Variants in CPA4 observed in about 807,000 individuals in gnomAD.
The protein encoded by CPA4 is carboxypeptidase A3.
Under a neutral mutation model 54.7 loss-of-function variants are expected in CPA4, and 49 were observed. That is an observed-to-expected ratio of 0.90 (90% CI 0.71 to 1.14). The LOEUF is 1.14. Among genes scored for constraint, CPA4 ranks in the 50% most tolerant of loss-of-function variants. The pLI is 0.00. For synonymous variants in CPA4, 215 were observed against 206.8 expected (o/e 1.04, Z -0.34); for missense variants, 487 against 525.1 (o/e 0.93, Z 0.71).
Position 130,322,735 on chromosome 7 carries a change from T to A in CPA4, c.*59T>A, listed in dbSNP as rs1794136568. ...CCCACACGTGCACGCACTGAGGCCA[T>A]TGTTAAAGGAGCTCTTTCCTACCTG... On this transcript the variant is annotated 3_prime_UTR_variant, in exon 11 of 11. Coordinates refer to ENST00000222482, the MANE Select transcript of CPA4 (RefSeq NM_016352.4). 1 of 1,514,750 alleles carries A rather than the reference T, an allele frequency of 6.6e-7. No homozygotes were observed. Among genetic ancestry groups the A allele is most frequent in the Admixed American group, 1.9e-5 (1 of 52,796 alleles). The allele number at this position is 1,514,750 out of a possible 1,614,324, so 93.8% of individuals were successfully genotyped here.
At chr7:130,311,017 G>A in intron 9 of CPA4, 31 bp downstream of exon 9, 2 of 1,589,390 alleles carry the variant, frequency 1.3e-6, no homozygotes, top group East Asian at 2.2e-5. Flanking sequence ...ACCCAGCCTG[G>A]GGCCCGCCTG....
At chr7:130,312,999 A>C (rs1047633033) in intron 10 of CPA4, among the ~76,000 whole-genome samples, 2 of 152,134 alleles carry the variant, frequency 1.3e-5, no homozygotes, top group Non-Finnish European at 2.9e-5. Context: ...GCTAGTTTTT[A>C]ATCAAGGGGA....
rs1195958721 is a variant in CPA4 at position 130,310,930 on chromosome 7, C to G, written c.937C>G (p.Leu313Val). 1 of 1,614,178 alleles carries G rather than the reference C, an allele frequency of 6.2e-7. No homozygotes were observed. Among genetic ancestry groups the G allele is most frequent in the East Asian group, 2.2e-5 (1 of 44,882 alleles). The change falls in exon 9 of 11, where the codon CTG becomes GTG. Residue 313 changes from leucine (L) to valine (V), a missense_variant. Transcript: ENST00000222482. The surrounding 1 kb of genome is among the most constrained non-coding windows in gnomAD (Gnocchi z 4.3). ...CATCGACCTGCACAGCTACTCGCAG[C>G]TGCTGATGTATCCATATGGGTACTC... ...GFIDLHSYSQ[L>V]LMYPYGYSVK...
At chr7:130,308,646 C>T (rs1793864437) in intron 8 of CPA4, among the ~76,000 whole-genome samples, 1 of 152,006 alleles carries the variant, frequency 6.6e-6, no homozygotes, top group Non-Finnish European at 1.5e-5. Flanking sequence ...CGACCTCTGC[C>T]TCCTGGGTTC....
Position 130,305,973 on chromosome 7 carries a change from C to T in CPA4, c.591+53C>T, listed in dbSNP as rs1793814379. The stretch of plus-strand genomic sequence containing the variant: ...TGCTGATGGTGCCGGGGTGCCCCTG[C>T]AGCATGCCATGTGGCTGGGCCTGGG... On this transcript the variant is annotated intron_variant, in intron 6 of 10. Transcript: ENST00000222482. 5 of 1,463,934 alleles carry T rather than the reference C, an allele frequency of 3.4e-6. No homozygotes were observed. The South Asian group carries it at 4.5e-5, about 13-fold the overall frequency. The allele number at this position is 1,463,934 out of a possible 1,614,324, so 90.7% of individuals were successfully genotyped here. A position where few individuals can be genotyped will look rare whatever the true frequency, so the allele number is the denominator to read the frequency against.
Position 130,324,050 on chromosome 7 carries a change from C to T in CPA4, c.*1374C>T, listed in dbSNP as rs201977188. ...TTTCACCTCAGCACGTACCATCTGTCCTTTTGTTGTTGTTTTGTTTTTGTT... is the reference window on the plus strand; with the variant it reads ...TTTCACCTCAGCACGTACCATCTGTTCTTTTGTTGTTGTTTTGTTTTTGTT... On this transcript the variant is annotated 3_prime_UTR_variant, in exon 11 of 11. Transcript: ENST00000222482. 5.6e-3 allele frequency: 85 copies of T among 15,272 alleles called. No homozygotes were observed. Among genetic ancestry groups the T allele is most frequent in the Admixed American group, 0.011 (8 of 734 alleles). 0.9% of individuals were successfully genotyped at this position (15,272 alleles called of 1,614,324 possible).
chr7:130,322,234 G>A (rs1019360449), intron 10 of CPA4, among the ~76,000 whole-genome samples: 2 of 152,152 alleles, frequency 1.3e-5, no homozygotes, highest in Non-Finnish European at 1.5e-5. Flanking sequence ...GGACTTACAG[G>A]ACGGACACAG....
chr7:130,320,932 T>G (rs542321190), intron 10 of CPA4, among the ~76,000 whole-genome samples: 4 of 152,338 alleles, frequency 2.6e-5, no homozygotes, highest in African/African-American at 7.2e-5. Context: ...AGGCGTGGGA[T>G]TCACACCTTT....
chr7:130,316,571 T>G (rs1793989904), intron 10 of CPA4, among the ~76,000 whole-genome samples: 1 of 151,908 alleles, frequency 6.6e-6, no homozygotes, highest in Non-Finnish European at 1.5e-5. Flanking sequence ...TTTATGTGAG[T>G]GGAAGTAAGG....
chr7:130,316,097 T>C lies in CPA4; in HGVS notation c.1078+3975T>C, dbSNP rs1274954375. Among the ~76,000 whole-genome samples, 3 of 152,162 alleles carry C rather than the reference T, an allele frequency of 2.0e-5. No homozygotes were observed. In the South Asian group the frequency reaches 6.2e-4, roughly 32 times the overall value. On this transcript the variant is annotated intron_variant, in intron 10 of 10. Coordinates refer to ENST00000222482, the MANE Select transcript of CPA4 (RefSeq NM_016352.4). ...AGGGGATATGTTGTATGAGGGGAAA[T>C]AGGTATTGGGGAATTGGATGATTGG...
Position 130,324,169 on chromosome 7 carries a change from A to G in CPA4, c.*1493A>G, listed in dbSNP as rs1446148810. On this transcript the variant is annotated 3_prime_UTR_variant, in exon 11 of 11. Coordinates refer to ENST00000222482, the MANE Select transcript of CPA4 (RefSeq NM_016352.4). Reference sequence around the variant, plus strand: ...GTGCTTATAAGCCAATAAATATTCAATGTGAGTTTCATGATCATCTCCTAT... The same window carrying G: ...GTGCTTATAAGCCAATAAATATTCAGTGTGAGTTTCATGATCATCTCCTAT... 2 of 152,726 alleles carry G rather than the reference A, an allele frequency of 1.3e-5. No homozygotes were observed. The highest frequency in any genetic ancestry group is 3.9e-4 in the East Asian group (2 of 5,192). The allele number at this position is 152,726 out of a possible 1,614,324, so 9.5% of individuals were successfully genotyped here. A position where few individuals can be genotyped will look rare whatever the true frequency, so the allele number is the denominator to read the frequency against.
rs538281374 is a variant in CPA4 at position 130,322,491 on chromosome 7, C to A, written c.1081C>A (p.Pro361Thr). ...QVGPTCTTVY[P>T]ASGSSIDWAY... ...GTGTTTTGTCCTCCGACTTACAGAT[C>A]CAGCTAGCGGGAGCAGCATCGACTG... The change falls in exon 11 of 11, where the codon CCA becomes ACA. Residue 361 changes from proline (P) to threonine (T), a missense_variant and splice_region_variant. Pro to Thr is a conservative substitution (Grantham distance 38). Transcript: ENST00000222482. The A allele has an allele frequency of 3.0e-5, 48 of 1,612,474 alleles. No individual in the cohort carries two copies. The South Asian group carries it at 5.1e-4, about 17-fold the overall frequency.
intron 3 of CPA4, among the ~76,000 whole-genome samples, chr7:130,300,563 T>C (rs1294210701): frequency 6.6e-6 from 1 of 151,818 alleles, no homozygotes; most frequent in Non-Finnish European, 1.5e-5. Flanking sequence ...CTCGATCTCC[T>C]GACCTCGTGA....
chr7:130,317,407 G>C (rs1406641005), intron 10 of CPA4, among the ~76,000 whole-genome samples: 1 of 152,188 alleles, frequency 6.6e-6, no homozygotes, highest in Non-Finnish European at 1.5e-5. Context: ...GTGATGCATG[G>C]CTGTATGAAC....
intron 1 of CPA4, among the ~76,000 whole-genome samples, chr7:130,295,362 G>C (rs937792682): frequency 1.3e-5 from 2 of 152,188 alleles, no homozygotes; most frequent in Non-Finnish European, 2.9e-5. Context: ...GCAGCAGCTG[G>C]ACGCCCTGTC....
At chr7:130,298,921 G>A (rs1005020149) in intron 2 of CPA4, 94 bp downstream of exon 2, 5 of 779,058 alleles carry the variant, frequency 6.4e-6, no homozygotes, top group African/African-American at 5.2e-5. Flanking sequence ...TTTCTGAGGA[G>A]TCTCTGAATA....
intron 10 of CPA4, among the ~76,000 whole-genome samples, chr7:130,320,659 A>G (rs748627796): frequency 2.6e-4 from 39 of 152,170 alleles, no homozygotes; most frequent in Non-Finnish European, 4.6e-4. Context: ...GGTTGAGGAG[A>G]GCCTGGGCTT....
intron 10 of CPA4, among the ~76,000 whole-genome samples, chr7:130,319,233 A>G (rs1434971962): frequency 1.3e-5 from 2 of 152,196 alleles, no homozygotes; most frequent in East Asian, 3.8e-4. Flanking sequence ...GGGCTTGGAA[A>G]CAAGTTCTTT....
chr7:130,302,806 A>G (rs191204733), intron 4 of CPA4, among the ~76,000 whole-genome samples: 196 of 152,110 alleles, frequency 1.3e-3, no homozygotes, highest in Admixed American at 3.0e-3. Flanking sequence ...GCCCATTCCT[A>G]GCTCTCAAGT....
Sources: gnomAD v4.1 joint callset for allele counts (sites outside exome capture counted in the v4.1 genomes callset) on GRCh38, gnomAD v4.1.1 for gene constraint, Gnocchi (gnomAD v3.1) non-coding constraint, MANE v1.5 for transcripts, NCBI Gene and HGNC (gene_info 2026-07-23, HGNC 2026-07-21) for gene names.